The following DLG2 variants were observed in gnomAD, a reference collection of about 807,000 sequenced individuals.
DLG2 encodes the protein disks large homolog 2.
In DLG2, 45 loss-of-function variants were observed where a neutral mutation model predicts 132.5. That is an observed-to-expected ratio of 0.34 (90% CI 0.27 to 0.44). DLG2 has a LOEUF of 0.44. DLG2 is among the 20% of genes least tolerant of loss of function. The pLI, the probability that DLG2 is intolerant of heterozygous loss-of-function variation, is 1.00. For synonymous variants in DLG2, 424 were observed against 419.6 expected, an observed-to-expected ratio of 1.01 and a Z score of -0.13; for missense variants, 1,045 against 1,196.9, an observed-to-expected ratio of 0.87 and a Z score of 1.87.
intron 6 of DLG2, among the ~76,000 whole-genome samples, chr11:84,667,700 T>C (rs901645801): frequency 1.3e-4 from 20 of 152,092 alleles, no homozygotes; most frequent in Middle Eastern, 6.8e-3. Flanking sequence ...GTTTTCACCA[T>C]GTTGGCCAGG....
At position 84,293,524 on chromosome 11, in the gene DLG2, A is replaced by C. The variant is rs147237640; in HGVS notation, c.520-42233T>G. On this transcript the variant is annotated intron_variant, in intron 7 of 27. Transcript: ENST00000376104. Reference sequence around the variant, plus strand: ...CCCCATCTCTACTAAAAATACAAAAATTAGCCGTGCATAGTGGCAGGCACC... The same window carrying C: ...CCCCATCTCTACTAAAAATACAAAACTTAGCCGTGCATAGTGGCAGGCACC... 2.8e-3 allele frequency among the ~76,000 whole-genome samples: 427 copies of C among 152,186 alleles called. 1 individual carries two copies. Among genetic ancestry groups the C allele is most frequent in the African/African-American group, 9.7e-3 (402 of 41,526 alleles).
intron 7 of DLG2, among the ~76,000 whole-genome samples, chr11:84,368,727 T>C (rs979178394): frequency 4.3e-4 from 65 of 152,260 alleles, no homozygotes; most frequent in South Asian, 1.0e-3. Flanking sequence ...TTAAAGATGA[T>C]GTGAGATCAA....
chr11:83,580,495 TC>T (rs1433669955), intron 19 of DLG2, among the ~76,000 whole-genome samples: 2 of 152,194 alleles, frequency 1.3e-5, no homozygotes, highest in African/African-American at 4.8e-5. Context: ...AGTTTCCTTT[TC>T]TCTCCTACCA....
intron 7 of DLG2, among the ~76,000 whole-genome samples, chr11:84,511,572 T>C (rs965640362): frequency 1.3e-5 from 2 of 152,218 alleles, no homozygotes; most frequent in African/African-American, 4.8e-5. Flanking sequence ...AATATATTAA[T>C]AACCACTTAA....
chr11:85,136,604 A>G (rs1297256693), intron 5 of DLG2, among the ~76,000 whole-genome samples: 2 of 152,214 alleles, frequency 1.3e-5, no homozygotes, highest in African/African-American at 4.8e-5. Context: ...AATGATCTAA[A>G]ACTAGAAATA....
intron 19 of DLG2, among the ~76,000 whole-genome samples, chr11:83,591,085 C>T (rs1475869904): frequency 6.6e-6 from 1 of 152,094 alleles, no homozygotes; most frequent in African/African-American, 2.4e-5. Flanking sequence ...GGTACCATTC[C>T]TTCTGAAACT....
At chr11:85,588,957 G>A (rs529280839) in intron 3 of DLG2, among the ~76,000 whole-genome samples, 7 of 152,258 alleles carry the variant, frequency 4.6e-5, no homozygotes, top group East Asian at 1.9e-4. Flanking sequence ...TCTAGCCACC[G>A]AGTACGGCTA....
intron 5 of DLG2, among the ~76,000 whole-genome samples, chr11:85,153,290 C>G (rs952149653): frequency 6.6e-6 from 1 of 152,142 alleles, no homozygotes; most frequent in Non-Finnish European, 1.5e-5. Context: ...TGGTTCTCAA[C>G]AAATATGCCC....
chr11:84,260,853 CT>C (rs1238068108), intron 7 of DLG2, among the ~76,000 whole-genome samples: 7 of 152,308 alleles, frequency 4.6e-5, no homozygotes. Flanking sequence ...TCACACCGAG[CT>C]TTTACAAATC....
At chr11:85,336,114 T>G (rs1424128846) in intron 3 of DLG2, 1 of 152,622 alleles carries the variant, frequency 6.6e-6, no homozygotes, top group Non-Finnish European at 1.5e-5. Context: ...GTACCCATAT[T>G]TTTTCTGGCA....
chr11:83,493,336 T>TTTCCTTCCTTCCTTCCTTCCTTCCTTCC (rs201830272), intron 21 of DLG2, among the ~76,000 whole-genome samples: 13 of 132,160 alleles, frequency 9.8e-5, no homozygotes, highest in African/African-American at 2.9e-4. Context: ...CTTTTCTTTC[T>TTTCCTTCCTTCCTTCCTTCCTTCCTTCC]TTCCTTCCTT....
chr11:83,497,924 C>A (rs542113361), intron 21 of DLG2, among the ~76,000 whole-genome samples: 12 of 149,270 alleles, frequency 8.0e-5, no homozygotes, highest in African/African-American at 1.5e-4. Flanking sequence ...AAAAAAAAAA[C>A]AACAACAACT....
chr11:85,457,470 TC>T (rs1169133906), intron 3 of DLG2, among the ~76,000 whole-genome samples: 5 of 152,338 alleles, frequency 3.3e-5, no homozygotes, highest in Non-Finnish European at 1.5e-5. Context: ...GCCAATTTGA[TC>T]CTGTCATCAT....
At chr11:84,036,712 A>C (rs1283575075) in intron 11 of DLG2, among the ~76,000 whole-genome samples, 3 of 152,180 alleles carry the variant, frequency 2.0e-5, no homozygotes, top group African/African-American at 7.2e-5. Context: ...AAAGTTTTAA[A>C]ACTTGTGAAT....
At position 83,601,510 on chromosome 11, in the gene DLG2, CTTTTTTTTTTT is replaced by C. The variant is rs71066054; in HGVS notation, c.1940+31690_1940+31700del. On this transcript the variant is annotated intron_variant, in intron 19 of 27. Coordinates refer to ENST00000376104, the MANE Select transcript of DLG2 (RefSeq NM_001142699.3). ...CAGCTGCAAAGTAATATGTGATGTT[CTTTTTTTTTTT>C]TTTTTTTTTTGACAAGGTCTCACTC... is the stretch of plus-strand genomic sequence containing the variant. 4.5e-3 allele frequency among the ~76,000 whole-genome samples: 426 copies of C among 94,568 alleles called. 10 individuals carry two copies. Among genetic ancestry groups the C allele is most frequent in the African/African-American group, 0.016 (396 of 24,374 alleles). The allele number at this position is 94,568 out of a possible 152,430, so 62.0% of individuals were successfully genotyped here.
chr11:84,754,857 G>C (rs958397604), intron 6 of DLG2, among the ~76,000 whole-genome samples: 1 of 152,142 alleles, frequency 6.6e-6, no homozygotes, highest in Non-Finnish European at 1.5e-5. Flanking sequence ...GGGGAATGTC[G>C]TTAGTATAGG....
chr11:84,528,504 G>A (rs2099327920), intron 7 of DLG2, among the ~76,000 whole-genome samples: 1 of 152,186 alleles, frequency 6.6e-6, no homozygotes, highest in Admixed American at 6.5e-5. Flanking sequence ...TAATGATTCA[G>A]AGCCCACTCA....
At chr11:85,260,707 C>T (rs772687294) in intron 4 of DLG2, among the ~76,000 whole-genome samples, 1 of 152,186 alleles carries the variant, frequency 6.6e-6, no homozygotes, top group Non-Finnish European at 1.5e-5. Context: ...CTCTCTTGGC[C>T]ATTCTGGTCA....
At chr11:84,033,869 T>C (rs2095785784) in intron 11 of DLG2, among the ~76,000 whole-genome samples, 1 of 151,082 alleles carries the variant, frequency 6.6e-6, no homozygotes, top group East Asian at 2.0e-4. Flanking sequence ...AGAAACTCCG[T>C]CTTTACTAAA....
Sources: gnomAD v4.1 joint callset for allele counts (sites outside exome capture counted in the v4.1 genomes callset) on GRCh38, gnomAD v4.1.1 for gene constraint, MANE v1.5 for transcripts, NCBI Gene and HGNC (gene_info 2026-07-23, HGNC 2026-07-21) for gene names.